Variants in NAV3 observed in about 807,000 individuals in gnomAD.
NAV3 encodes the protein neuron navigator 3, also known as pore membrane and/or filament interacting like protein 1.
A neutral mutation model predicts 244.7 loss-of-function variants in NAV3; 87 were observed. That is an observed-to-expected ratio of 0.36 (90% CI 0.30 to 0.42). The LOEUF (loss-of-function observed/expected upper bound fraction) is 0.42, where lower values mean the gene tolerates loss of function less well. Among genes scored for constraint, NAV3 ranks in the 20% least tolerant of loss-of-function variants. NAV3 has a pLI of 1.00. For synonymous variants in NAV3, 1,126 were observed against 1,042.2 expected (o/e 1.08, Z -1.55); for missense variants, 2,663 against 2,893.3 (o/e 0.92, Z 1.83).
At chr12:77,748,182 C>G (rs1302920900) in intron 2 of NAV3, among the ~76,000 whole-genome samples, 1 of 152,080 alleles carries the variant, frequency 6.6e-6, no homozygotes, top group Admixed American at 6.6e-5. Flanking sequence ...AGTGCTATCT[C>G]CTGCTACTGG....
chr12:78,071,728 G>A (rs1177707731), intron 12 of NAV3, among the ~76,000 whole-genome samples: 11 of 152,142 alleles, frequency 7.2e-5, no homozygotes, highest in Middle Eastern at 3.4e-3. Context: ...TATTAAATAA[G>A]GAATCCTTTC....
At chr12:77,929,291 A>G (rs574436980) in intron 1 of NAV3, among the ~76,000 whole-genome samples, 1 of 152,182 alleles carries the variant, frequency 6.6e-6, no homozygotes, top group Admixed American at 6.5e-5. Flanking sequence ...AAACCTAAAA[A>G]CCAATTTTTA....
At chr12:77,666,846 G>A (rs1873737624) in intron 2 of NAV3, among the ~76,000 whole-genome samples, 1 of 152,036 alleles carries the variant, frequency 6.6e-6, no homozygotes, top group Non-Finnish European at 1.5e-5. Flanking sequence ...GGGTAACAAT[G>A]GCTTTCTTTT....
intron 5 of NAV3, among the ~76,000 whole-genome samples, chr12:77,990,278 A>G (rs538436686): frequency 6.6e-4 from 101 of 152,324 alleles, no homozygotes; most frequent in Middle Eastern, 3.4e-3. Context: ...TGGGGAAGGC[A>G]TGTGGCTACA....
rs1241433353 is a variant in NAV3, at chr12:77,968,607, C to T, written c.576C>T (p.Tyr192=). 5 of 1,614,152 alleles carry T rather than the reference C, an allele frequency of 3.1e-6. No homozygotes were observed. Among genetic ancestry groups the T allele is most frequent in the Non-Finnish European group, 4.2e-6 (5 of 1,180,012 alleles). ...AGCAACAACACCATCAACAACAGTA[C>T]TATCAGTCCTTGGTGGAACTTCAGC... ...YKQQQHHQQQ[Y]YQSLVELQQR... Residue 192 remains tyrosine (Y), a synonymous_variant, in exon 5 of 40, where the codon TAC becomes TAT. Transcript: ENST00000397909.
chr12:77,771,887 A>C (rs1433139254), intron 2 of NAV3, among the ~76,000 whole-genome samples: 1 of 151,020 alleles, frequency 6.6e-6, no homozygotes, highest in Non-Finnish European at 1.5e-5. Context: ...CATTGTGCAC[A>C]TGTACCCTAA....
chr12:77,724,610 A>G (rs1015941853), intron 2 of NAV3, among the ~76,000 whole-genome samples: 1 of 151,690 alleles, frequency 6.6e-6, no homozygotes, highest in African/African-American at 2.4e-5. Context: ...GCTTTGTACT[A>G]GTATTTTTCC....
chr12:77,681,980 T>C (rs1874492760), intron 2 of NAV3, among the ~76,000 whole-genome samples: 3 of 152,204 alleles, frequency 2.0e-5, no homozygotes. Flanking sequence ...TGTTAATTTT[T>C]TGTGGTGAGG....
intron 1 of NAV3, among the ~76,000 whole-genome samples, chr12:77,870,914 T>A (rs1880851051): frequency 6.6e-6 from 1 of 152,348 alleles, no homozygotes; most frequent in Non-Finnish European, 1.5e-5. Flanking sequence ...ACTTGTTCTA[T>A]CCTTAAAGTT....
chr12:77,928,559 A>T (rs934020691), intron 1 of NAV3, among the ~76,000 whole-genome samples: 2 of 152,166 alleles, frequency 1.3e-5, no homozygotes, highest in Non-Finnish European at 2.9e-5. Flanking sequence ...CATGGTGCCA[A>T]GCACAGTACT....
At chr12:78,165,293 A>G (rs1365037646) in intron 23 of NAV3, among the ~76,000 whole-genome samples, 1 of 152,010 alleles carries the variant, frequency 6.6e-6, no homozygotes, top group Admixed American at 6.6e-5. Flanking sequence ...TTATTCCTAA[A>G]ATCCTTTGCA....
intron 2 of NAV3, chr12:77,775,928 A>G (rs572715144): frequency 1.4e-4 from 21 of 152,378 alleles, no homozygotes; most frequent in African/African-American, 5.0e-4. Context: ...GAGCCTTTGC[A>G]GTATCTTTTC....
At chr12:77,953,523 C>T (rs1891089929) in intron 3 of NAV3, among the ~76,000 whole-genome samples, 1 of 152,074 alleles carries the variant, frequency 6.6e-6, no homozygotes, top group Non-Finnish European at 1.5e-5. Flanking sequence ...ACCATAGGAC[C>T]TAATTAATAA....
intron 2 of NAV3, among the ~76,000 whole-genome samples, chr12:77,638,297 G>T (rs1872245056): frequency 6.6e-6 from 1 of 152,108 alleles, no homozygotes; most frequent in African/African-American, 2.4e-5. Context: ...ACAAAATATT[G>T]GGATTTCTCT....
chr12:77,704,626 A>T (rs1479356716), intron 2 of NAV3, among the ~76,000 whole-genome samples: 1 of 152,142 alleles, frequency 6.6e-6, no homozygotes, highest in Non-Finnish European at 1.5e-5. Context: ...CTTAATTGCT[A>T]AGGGAAATAA....
chr12:77,883,879 G>GA (rs1397990772), intron 1 of NAV3, among the ~76,000 whole-genome samples: 5 of 152,010 alleles, frequency 3.3e-5, no homozygotes, highest in African/African-American at 9.7e-5. Flanking sequence ...ATCTTTCCTA[G>GA]AAAAAATGTG....
rs978215096 is a variant in NAV3 at position 77,981,598 on chromosome 12, A to G, written c.671+12896A>G. Among the ~76,000 whole-genome samples the G allele has an allele frequency of 3.2e-4, 48 of 152,032 alleles. 1 individual carries two copies. The highest frequency in any genetic ancestry group is 1.1e-3 in the African/African-American group (46 of 41,438). ...TTTAAAAAATATATTTAATTATAGT[A>G]TATCTTGGGTACTTTATTCCCGATT... On this transcript the variant is annotated intron_variant, in intron 5 of 39. Coordinates refer to ENST00000397909, the MANE Select transcript of NAV3 (RefSeq NM_001024383.2).
At chr12:77,707,369 C>G (rs947512158) in intron 2 of NAV3, among the ~76,000 whole-genome samples, 1 of 152,074 alleles carries the variant, frequency 6.6e-6, no homozygotes, top group Admixed American at 6.5e-5. Context: ...TCATCCATGT[C>G]CCTACAAAGG....
intron 2 of NAV3, among the ~76,000 whole-genome samples, chr12:77,785,476 G>C (rs1870862699): frequency 1.3e-5 from 2 of 152,058 alleles, no homozygotes; most frequent in Non-Finnish European, 2.9e-5. Context: ...AGGTGAAGAA[G>C]TAGGAGGAGG....
Sources: allele counts gnomAD v4.1 joint callset (sites outside exome capture counted in the v4.1 genomes callset), GRCh38; gene constraint gnomAD v4.1.1; transcripts MANE v1.5; gene names NCBI Gene and HGNC (gene_info 2026-07-23, HGNC 2026-07-21).